ZNF326: variants seen among roughly 807,000 people sequenced by gnomAD.
ZNF326 encodes the protein zinc finger protein 326.
Under a neutral mutation model 63.1 loss-of-function variants are expected in ZNF326, and 30 were observed. The ratio of observed to expected loss-of-function variants is 0.48; its 90% CI spans 0.36 to 0.64. The LOEUF (loss-of-function observed/expected upper bound fraction) is 0.64. ZNF326 is among the 30% of genes least tolerant of loss of function. The probability of loss-of-function intolerance (pLI) is 0.00; values close to 1 mark genes in which losing one functional copy is unlikely to be tolerated. For missense variants in ZNF326, 609 were observed against 720.3 expected (o/e 0.85, Z 1.77); for synonymous variants, 194 against 228.2 (o/e 0.85, Z 1.35).
intron 7 of ZNF326, among the ~76,000 whole-genome samples, chr1:90,015,183 G>C (rs922592124): frequency 6.6e-6 from 1 of 152,172 alleles, no homozygotes; most frequent in Non-Finnish European, 1.5e-5. Context: ...TCGAGATTGA[G>C]TAAATCACTA....
At chr1:90,017,069 C>T (rs1310694470) in intron 7 of ZNF326, among the ~76,000 whole-genome samples, 1 of 152,178 alleles carries the variant, frequency 6.6e-6, no homozygotes, top group East Asian at 1.9e-4. Flanking sequence ...ACTTATAGAT[C>T]CCCTGATTCA....
intron 1 of ZNF326, 66 bp downstream of exon 1, chr1:89,995,339 G>A: frequency 6.6e-7 from 1 of 1,514,202 alleles, no homozygotes; most frequent in Non-Finnish European, 8.8e-7. Context: ...CAGGGGGTCT[G>A]TTTACCGTCT....
chr1:89,997,977 C>T (rs2101046861), intron 1 of ZNF326, 133 bp from the exon 2 acceptor site: 1 of 653,584 alleles, frequency 1.5e-6, no homozygotes, highest in Non-Finnish European at 2.6e-6. Flanking sequence ...TTTGTTTTAA[C>T]TATTCTCAGT....
intron 6 of ZNF326, among the ~76,000 whole-genome samples, chr1:90,012,217 A>G (rs983695652): frequency 6.6e-6 from 1 of 152,240 alleles, no homozygotes; most frequent in Admixed American, 6.5e-5. Context: ...ATACATCAAC[A>G]GAAGAATGGT....
intron 9 of ZNF326, among the ~76,000 whole-genome samples, chr1:90,020,583 T>G (rs1176255403): frequency 6.6e-6 from 1 of 152,082 alleles, no homozygotes; most frequent in East Asian, 1.9e-4. Context: ...TATAATGTAA[T>G]TGTACCTTAA....
At position 90,033,225 on chromosome 1, in the gene ZNF326, A is replaced by G. The variant is rs889356572; in HGVS notation, c.*5524A>G. 1.3e-5 allele frequency: 2 copies of G among 152,194 alleles called. No individual in the cohort carries two copies. Among genetic ancestry groups the G allele is most frequent in the African/African-American group, 2.4e-5 (1 of 41,454 alleles). The allele number at this position is 152,194 out of a possible 1,614,324, so 9.4% of individuals were successfully genotyped here. A position where few individuals can be genotyped will look rare whatever the true frequency, so the allele number is the denominator to read the frequency against. Reference sequence around the variant, plus strand: ...GTAGAACACCAAAACAATATATGACAGATACTGTGTTTGGGCCTTAAAGCC... The same window carrying G: ...GTAGAACACCAAAACAATATATGACGGATACTGTGTTTGGGCCTTAAAGCC... On this transcript the variant is annotated 3_prime_UTR_variant, in exon 12 of 12. Coordinates refer to ENST00000340281, the MANE Select transcript of ZNF326 (RefSeq NM_182976.4).
rs569091912 is a variant in ZNF326 at position 90,035,461 on chromosome 1, A to T, written c.*7760A>T. ...ACTGTATACTGTCTAAGAATAAACA[A>T]TGGGAAAAATGCAAAATCCTTATGA... On this transcript the variant is annotated 3_prime_UTR_variant, in exon 12 of 12. Coordinates refer to ENST00000340281, the MANE Select transcript of ZNF326 (RefSeq NM_182976.4). 1 of 152,324 alleles carries T rather than the reference A, an allele frequency of 6.6e-6. No individual in the cohort carries two copies. The highest frequency in any genetic ancestry group is 2.4e-5 in the African/African-American group (1 of 41,578). The allele number at this position is 152,324 out of a possible 1,614,324, so 9.4% of individuals were successfully genotyped here. A position where few individuals can be genotyped will look rare whatever the true frequency, so the allele number is the denominator to read the frequency against.
intron 2 of ZNF326, among the ~76,000 whole-genome samples, chr1:90,003,486 A>G (rs1181664069): frequency 1.3e-5 from 2 of 152,198 alleles, no homozygotes; most frequent in Non-Finnish European, 2.9e-5. Context: ...TAAATTTAAG[A>G]TGAGGCCACA....
chr1:90,013,345 C>A, intron 7 of ZNF326, 108 bp downstream of exon 7: 1 of 840,450 alleles, frequency 1.2e-6, no homozygotes, highest in Non-Finnish European at 1.7e-6. Context: ...AATGAAAAGA[C>A]TTGTTCAAAG....
In ZNF326 at chr1:90,032,462, C is replaced by G. The variant is rs1235974186; in HGVS notation, c.*4761C>G. 6.6e-6 allele frequency: 1 copy of G among 152,032 alleles called. No individual in the cohort carries two copies. Among genetic ancestry groups the G allele is most frequent in the African/African-American group, 2.4e-5 (1 of 41,384 alleles). 9.4% of individuals were successfully genotyped at this position (152,032 alleles called of 1,614,324 possible). Reference sequence around the variant, plus strand: ...TTAAAATGGCATGCTTGATTCAAGTCATTAAATTCTAAAGTTCTATTAAAA... The same window carrying G: ...TTAAAATGGCATGCTTGATTCAAGTGATTAAATTCTAAAGTTCTATTAAAA... On this transcript the variant is annotated 3_prime_UTR_variant, in exon 12 of 12. Coordinates refer to ENST00000340281, the MANE Select transcript of ZNF326 (RefSeq NM_182976.4).
intron 4 of ZNF326, 175 bp downstream of exon 4, chr1:90,005,419 C>G (rs1430823191): frequency 7.5e-7 from 1 of 1,337,940 alleles, no homozygotes; most frequent in African/African-American, 1.5e-5. Flanking sequence ...ATCAGTATTA[C>G]TGGCAGACGT....
rs35436305 is a variant in ZNF326 at position 90,033,944 on chromosome 1, GAAAA to G, written c.*6253_*6256del. 2.8e-5 allele frequency: 4 copies of G among 142,612 alleles called. No individual in the cohort carries two copies. Among genetic ancestry groups the G allele is most frequent in the African/African-American group, 7.5e-5 (3 of 40,030 alleles). 8.8% of individuals were successfully genotyped at this position (142,612 alleles called of 1,614,324 possible). Reference sequence around the variant, plus strand: ...AAGTGAAAAAAGAAGTGAAGAATAGGAAAAAAAAAAAAATCTTCTGATGAAAGAT... The same window carrying G: ...AAGTGAAAAAAGAAGTGAAGAATAGGAAAAAAAAATCTTCTGATGAAAGAT... On this transcript the variant is annotated 3_prime_UTR_variant, in exon 12 of 12. Transcript: ENST00000340281.
intron 2 of ZNF326, among the ~76,000 whole-genome samples, chr1:89,999,670 G>T (rs1180784966): frequency 6.6e-6 from 1 of 152,192 alleles, no homozygotes; most frequent in Non-Finnish European, 1.5e-5. Flanking sequence ...GGCTGTGTAT[G>T]TTGTGCAAAA....
intron 11 of ZNF326, among the ~76,000 whole-genome samples, chr1:90,023,428 T>G (rs1649866219): frequency 6.6e-6 from 1 of 152,194 alleles, no homozygotes; most frequent in Non-Finnish European, 1.5e-5. Flanking sequence ...CATTAAATTG[T>G]CCCTCTACCA....
intron 11 of ZNF326, among the ~76,000 whole-genome samples, chr1:90,024,988 T>TC (rs574606404): frequency 1.3e-4 from 20 of 151,168 alleles, no homozygotes; most frequent in African/African-American, 4.8e-4. Flanking sequence ...CTGTTTTTTT[T>TC]TTTTTTTTTC....
Position 90,007,253 on chromosome 1 carries a change from G to A in ZNF326, c.210-92G>A. 2 of 1,311,310 alleles carry A rather than the reference G, an allele frequency of 1.5e-6. No individual in the cohort carries two copies. The highest frequency in any genetic ancestry group is 2.1e-6 in the Non-Finnish European group (2 of 956,716). The allele number at this position is 1,311,310 out of a possible 1,614,324, so 81.2% of individuals were successfully genotyped here. ...ACCAGTATGGTATAAATGAATTTTAGTTGATAAATGTCATCTGATAATTTG... is the reference window on the plus strand; with the variant it reads ...ACCAGTATGGTATAAATGAATTTTAATTGATAAATGTCATCTGATAATTTG... On this transcript the variant is annotated intron_variant, in intron 4 of 11. Coordinates refer to ENST00000340281, the MANE Select transcript of ZNF326 (RefSeq NM_182976.4). The surrounding 1 kb of genome is among the most constrained non-coding windows in gnomAD (Gnocchi z 4.9).
At position 90,031,599 on chromosome 1, in the gene ZNF326, C is replaced by G. The variant is rs1390624016; in HGVS notation, c.*3898C>G. ...TGAGACATAGCCTCACTCTGTCACC[C>G]AGGCTGGAGTTCAGTGGCACTATCT... On this transcript the variant is annotated 3_prime_UTR_variant, in exon 12 of 12. Coordinates refer to ENST00000340281, the MANE Select transcript of ZNF326 (RefSeq NM_182976.4). 6.6e-6 allele frequency: 1 copy of G among 151,430 alleles called. No individual in the cohort carries two copies. The highest frequency in any genetic ancestry group is 2.1e-4 in the South Asian group (1 of 4,800). 9.4% of individuals were successfully genotyped at this position (151,430 alleles called of 1,614,324 possible).
intron 1 of ZNF326, among the ~76,000 whole-genome samples, chr1:89,996,316 C>CA (rs903812790): frequency 5.3e-5 from 8 of 152,002 alleles, no homozygotes; most frequent in African/African-American, 9.7e-5. Context: ...TTAACCCCAC[C>CA]AAAAAAATGA....
rs1570330025 is a variant in ZNF326 at position 90,030,207 on chromosome 1, C to T, written c.*2506C>T. On this transcript the variant is annotated 3_prime_UTR_variant, in exon 12 of 12. Coordinates refer to ENST00000340281, the MANE Select transcript of ZNF326 (RefSeq NM_182976.4). ...TTATCTGCCGACTCTTCTACCTCCA[C>T]TGCAACCAACCCAGTTCAAGTCATG... The T allele has an allele frequency of 6.6e-6, 1 of 152,254 alleles. No homozygotes were observed. Among genetic ancestry groups the T allele is most frequent in the East Asian group, 1.9e-4 (1 of 5,206 alleles). The allele number at this position is 152,254 out of a possible 1,614,324, so 9.4% of individuals were successfully genotyped here. A position where few individuals can be genotyped will look rare whatever the true frequency, so the allele number is the denominator to read the frequency against.
Sources: allele counts gnomAD v4.1 joint callset (sites outside exome capture counted in the v4.1 genomes callset), GRCh38; gene constraint gnomAD v4.1.1; non-coding constraint Gnocchi (gnomAD v3.1); transcripts MANE v1.5; gene names NCBI Gene and HGNC (gene_info 2026-07-23, HGNC 2026-07-21).